GALNT13: variants seen among roughly 807,000 people sequenced by gnomAD.
The protein encoded by GALNT13 is UDP-GalNAc:polypeptide N-acetylgalactosaminyltransferase 13.
In GALNT13, 28 loss-of-function variants were observed where a neutral mutation model predicts 64.2. The ratio of observed to expected loss-of-function variants is 0.44; its 90% CI spans 0.32 to 0.60. GALNT13 has a LOEUF of 0.60. Among genes scored for constraint, GALNT13 ranks in the 20% least tolerant of loss-of-function variants. The pLI is 0.05. For synonymous variants in GALNT13, 214 were observed against 224.6 expected (o/e 0.95, Z 0.42); for missense variants, 577 against 669.8 (o/e 0.86, Z 1.53).
the GALNT13 span, among the ~76,000 whole-genome samples, chr2:153,691,371 A>G: frequency 6.6e-6 from 1 of 152,112 alleles, no homozygotes; most frequent in South Asian, 2.1e-4. Flanking sequence ...TCTAGGTACT[A>G]TTTACATGGT....
the GALNT13 span, among the ~76,000 whole-genome samples, chr2:153,160,158 G>C: frequency 7.0e-4 from 107 of 152,302 alleles, no homozygotes; most frequent in Non-Finnish European, 1.1e-3. Context: ...GATGAGGCTG[G>C]ATATAGAATT....
chr2:153,424,316 A>G, the GALNT13 span, among the ~76,000 whole-genome samples: 2 of 151,666 alleles, frequency 1.3e-5, no homozygotes, highest in African/African-American at 4.8e-5. Flanking sequence ...TGCTGTGCCT[A>G]TATTTCTTAA....
the GALNT13 span, among the ~76,000 whole-genome samples, chr2:153,850,564 A>T: frequency 7.2e-3 from 1,095 of 152,360 alleles, 17 homozygotes; most frequent in African/African-American, 0.025. Context: ...TACAATTTAA[A>T]TGTGTTGAAC....
the GALNT13 span, among the ~76,000 whole-genome samples, chr2:153,301,298 A>G: frequency 6.8e-6 from 1 of 147,820 alleles, no homozygotes; most frequent in Non-Finnish European, 1.5e-5. Flanking sequence ...TGACAGAGTG[A>G]GACTCCTTCT....
At chr2:154,402,018 A>G (rs914768500) in intron 10 of GALNT13, among the ~76,000 whole-genome samples, 1 of 152,222 alleles carries the variant, frequency 6.6e-6, no homozygotes, top group African/African-American at 2.4e-5. Context: ...AAATATTAAC[A>G]TTAAGCTCTG....
the GALNT13 span, among the ~76,000 whole-genome samples, chr2:153,756,647 A>C: frequency 0.53 from 80,696 of 151,866 alleles, 22,373 homozygotes; most frequent in Admixed American, 0.64. Flanking sequence ...AATTATGAGA[A>C]ACATTTTTCT....
chr2:153,880,225 T>C (rs1299943328), intron 1 of GALNT13, among the ~76,000 whole-genome samples: 2 of 152,164 alleles, frequency 1.3e-5, no homozygotes, highest in Non-Finnish European at 2.9e-5. Flanking sequence ...TTGTAAGCTT[T>C]GTATAAGATG....
At chr2:154,010,331 C>A (rs533849518) in intron 3 of GALNT13, among the ~76,000 whole-genome samples, 3 of 152,038 alleles carry the variant, frequency 2.0e-5, no homozygotes, top group Non-Finnish European at 4.4e-5. Flanking sequence ...AAACCGTTTC[C>A]GTGTCTATTG....
intron 3 of GALNT13, among the ~76,000 whole-genome samples, chr2:154,118,571 T>C (rs1574535810): frequency 6.6e-6 from 1 of 151,798 alleles, no homozygotes; most frequent in East Asian, 1.9e-4. Context: ...CTGATTGTTT[T>C]GTAGGTTTTT....
chr2:153,635,548 A>C, the GALNT13 span, among the ~76,000 whole-genome samples: 1 of 151,870 alleles, frequency 6.6e-6, no homozygotes, highest in South Asian at 2.1e-4. Flanking sequence ...TTGTGATACT[A>C]AAAGTAAATT....
Position 154,242,860 on chromosome 2 carries a change from C to T in GALNT13, c.641C>T (p.Thr214Met). ...TTTCTTGATGCACACTGTGAATGCA[C>T]GTTAGGATGGCTGGAGCCTTTGCTG... ...ITFLDAHCEC[T>M]LGWLEPLLAR... The change falls in exon 6 of 13, where the codon ACG (threonine) becomes ATG (methionine). Residue 214 changes from threonine to methionine, a missense_variant. Thr to Met is a moderately conservative substitution (Grantham distance 81). Coordinates refer to ENST00000392825, the MANE Select transcript of GALNT13 (RefSeq NM_052917.4). 2 of 1,614,084 alleles carry T rather than the reference C, an allele frequency of 1.2e-6. No individual in the cohort carries two copies. The highest frequency in any genetic ancestry group is 2.2e-5 in the South Asian group (2 of 91,084).
the GALNT13 span, among the ~76,000 whole-genome samples, chr2:153,533,859 T>C: frequency 6.6e-6 from 1 of 151,474 alleles, no homozygotes; most frequent in African/African-American, 2.4e-5. Flanking sequence ...TGATCTCTAG[T>C]ATTTCTTTTT....
At chr2:153,727,166 A>G in the GALNT13 span, among the ~76,000 whole-genome samples, 2 of 152,150 alleles carry the variant, frequency 1.3e-5, no homozygotes, top group Admixed American at 6.6e-5. Context: ...GCTGTAGTTA[A>G]AAATAACATA....
the GALNT13 span, among the ~76,000 whole-genome samples, chr2:153,464,983 T>A: frequency 6.6e-6 from 1 of 152,090 alleles, no homozygotes; most frequent in East Asian, 1.9e-4. Context: ...GGCAACACAG[T>A]AGTATGAATT....
the GALNT13 span, among the ~76,000 whole-genome samples, chr2:153,146,848 T>A: frequency 2.6e-5 from 4 of 151,880 alleles, no homozygotes; most frequent in Non-Finnish European, 4.4e-5. Context: ...CTCATGGGAT[T>A]TATACTTCAG....
chr2:153,397,053 T>G, the GALNT13 span, among the ~76,000 whole-genome samples: 1 of 152,264 alleles, frequency 6.6e-6, no homozygotes, highest in East Asian at 1.9e-4. Flanking sequence ...ATTTTCATCC[T>G]CTAAAATACG....
chr2:153,590,457 A>G, the GALNT13 span, among the ~76,000 whole-genome samples: 1 of 125,044 alleles, frequency 8.0e-6, no homozygotes, highest in East Asian at 2.5e-4. Context: ...AAATCAAGGA[A>G]GAGAGAATTC....
intron 9 of GALNT13, among the ~76,000 whole-genome samples, chr2:154,382,258 G>T (rs906091371): frequency 6.6e-6 from 1 of 152,010 alleles, no homozygotes; most frequent in African/African-American, 2.4e-5. Context: ...AAGAAGAGAG[G>T]CATGTTAGAA....
At chr2:153,623,505 A>G in the GALNT13 span, among the ~76,000 whole-genome samples, 2 of 152,224 alleles carry the variant, frequency 1.3e-5, no homozygotes, top group East Asian at 3.9e-4. Flanking sequence ...TTGCTACAAA[A>G]GAAGAAACTG....
Sources: gnomAD v4.1 joint callset for allele counts (sites outside exome capture counted in the v4.1 genomes callset) on GRCh38, gnomAD v4.1.1 for gene constraint, MANE v1.5 for transcripts, NCBI Gene and HGNC (gene_info 2026-07-23, HGNC 2026-07-21) for gene names.